ZNF654: variants seen among roughly 807,000 people sequenced by gnomAD.
The protein encoded by ZNF654 is zinc finger protein 654.
ZNF654 carries 19 observed loss-of-function variants against 95.3 expected under a neutral mutation model. The observed-to-expected ratio is 0.20, with a 90% confidence interval of 0.14 to 0.29. The LOEUF (loss-of-function observed/expected upper bound fraction) is 0.29. ZNF654 is among the 10% of genes least tolerant of loss of function. The pLI is 1.00. For missense variants in ZNF654, 1,046 were observed against 1,341.0 expected (o/e 0.78, Z 3.44); for synonymous variants, 413 against 457.9 (o/e 0.90, Z 1.25).
chr3:88,128,015 C>A (rs901227413), intron 4 of ZNF654, among the ~76,000 whole-genome samples: 1 of 152,118 alleles, frequency 6.6e-6, no homozygotes, highest in Non-Finnish European at 1.5e-5. Flanking sequence ...AATTAAAATA[C>A]TTCTGGATTC....
chr3:88,074,593 C>T (rs760948077), intron 1 of ZNF654, among the ~76,000 whole-genome samples: 2 of 152,066 alleles, frequency 1.3e-5, no homozygotes, highest in Non-Finnish European at 2.9e-5. Flanking sequence ...CCGCCTGCCT[C>T]GGCCTTCCAA....
At position 88,113,389 on chromosome 3, in the gene ZNF654, A is replaced by G. The variant is rs139645009; in HGVS notation, c.414+193A>G. 5.3e-3 allele frequency among the ~76,000 whole-genome samples: 813 copies of G among 152,290 alleles called. 5 individuals are homozygous for G. Among genetic ancestry groups the G allele is most frequent in the African/African-American group, 0.017 (698 of 41,582 alleles). On this transcript the variant is annotated intron_variant, in intron 3 of 8. Coordinates refer to ENST00000636215, the MANE Select transcript of ZNF654 (RefSeq NM_001350134.2). ...TTAATTTTTAACTGTATTTCCAAGC[A>G]GTTCATAGCTGGAATTCCTATTCTA... is the stretch of plus-strand genomic sequence containing the variant.
At position 88,139,285 on chromosome 3, in the gene ZNF654, A is replaced by G. The variant is rs1447629804; in HGVS notation, c.1616A>G (p.Asp539Gly). ...NLTALSTSKV[D>G]HNVPRHRCML... Reference sequence around the variant, plus strand: ...ACAGCTCTCAGTACTTCCAAAGTAGATCACAATGTCCCAAGGCATCGTTGT... The same window carrying G: ...ACAGCTCTCAGTACTTCCAAAGTAGGTCACAATGTCCCAAGGCATCGTTGT... The change falls in exon 8 of 9, where the codon GAT (aspartate) becomes GGT (glycine). Residue 539 changes from aspartate (D) to glycine (G), a missense_variant. Transcript: ENST00000636215. 3.8e-6 allele frequency: 6 copies of G among 1,563,406 alleles called. No individual in the cohort carries two copies. Among genetic ancestry groups the G allele is most frequent in the Non-Finnish European group, 3.4e-6 (4 of 1,160,742 alleles).
Position 88,139,118 on chromosome 3 carries a change from A to G in ZNF654, c.1449A>G (p.Ala483=). ...FLNESTLENN[A]GNLKRTEEQQ... ...ATGAAAGCACACTGGAAAATAATGC[A>G]GGTAATCTAAAAAGGACGGAGGAAC... The change falls in exon 8 of 9, where the codon GCA becomes GCG. Residue 483 remains alanine, a synonymous_variant. Transcript: ENST00000636215. The G allele has an allele frequency of 7.8e-7, 1 of 1,274,250 alleles. No individual in the cohort carries two copies. Among genetic ancestry groups the G allele is most frequent in the Non-Finnish European group, 9.9e-7 (1 of 1,009,594 alleles). 78.9% of individuals were successfully genotyped at this position (1,274,250 alleles called of 1,614,324 possible).
intron 2 of ZNF654, among the ~76,000 whole-genome samples, chr3:88,094,752 T>C (rs762927263): frequency 1.3e-5 from 2 of 152,150 alleles, no homozygotes; most frequent in Admixed American, 1.3e-4. Flanking sequence ...AATCTTGTGC[T>C]AAGTCAGATC....
intron 2 of ZNF654, among the ~76,000 whole-genome samples, chr3:88,087,138 G>T (rs1444926461): frequency 6.6e-6 from 1 of 152,018 alleles, no homozygotes; most frequent in East Asian, 1.9e-4. Context: ...GAGTGCAGTG[G>T]TGTGATCTTG....
chr3:88,111,653 A>G (rs1311558314), intron 2 of ZNF654, among the ~76,000 whole-genome samples: 2 of 151,944 alleles, frequency 1.3e-5, no homozygotes, highest in Non-Finnish European at 2.9e-5. Context: ...TGTAATGTAT[A>G]TTGTTGTTTC....
rs928229990 is a variant in ZNF654 at position 88,117,953 on chromosome 3, A to G, written c.414+4757A>G. Among the ~76,000 whole-genome samples the G allele has an allele frequency of 2.0e-5, 3 of 152,096 alleles. No homozygotes were observed. In the South Asian group the frequency reaches 6.2e-4, roughly 32 times the overall value. On this transcript the variant is annotated intron_variant, in intron 3 of 8. Coordinates refer to ENST00000636215, the MANE Select transcript of ZNF654 (RefSeq NM_001350134.2). The stretch of plus-strand genomic sequence containing the variant: ...ATTGCCCAATAGATGATTAAAAAAA[A>G]AAAACAACCAAGAACATTTACTACT...
rs141412364 is a variant in ZNF654, at chr3:88,091,646, C to T, written c.332+5244C>T. Among the ~76,000 whole-genome samples the T allele has an allele frequency of 8.5e-3, 1,296 of 152,270 alleles. 35 individuals are homozygous for T. Among genetic ancestry groups the T allele is most frequent in the Non-Finnish European group, 7.4e-3 (500 of 68,010 alleles). Reference sequence around the variant, plus strand: ...TGAATTGTAGCTTCCATAATCTCCACGTGTCATGGAAGGGACCCAATGGGA... The same window carrying T: ...TGAATTGTAGCTTCCATAATCTCCATGTGTCATGGAAGGGACCCAATGGGA... On this transcript the variant is annotated intron_variant, in intron 2 of 8. Transcript: ENST00000636215.
At chr3:88,065,354 C>T (rs1231841182) in intron 1 of ZNF654, among the ~76,000 whole-genome samples, 2 of 151,852 alleles carry the variant, frequency 1.3e-5, no homozygotes, top group East Asian at 1.9e-4. Context: ...TTCATAATGA[C>T]GTTGTTTGTA....
chr3:88,136,123 G>A (rs1576350306), intron 7 of ZNF654, among the ~76,000 whole-genome samples: 1 of 152,162 alleles, frequency 6.6e-6, no homozygotes, highest in South Asian at 2.1e-4. Flanking sequence ...CTATGTTACA[G>A]AACACGTCTT....
intron 3 of ZNF654, among the ~76,000 whole-genome samples, chr3:88,124,892 G>C (rs1173968262): frequency 6.6e-6 from 1 of 151,328 alleles, no homozygotes; most frequent in African/African-American, 2.4e-5. Flanking sequence ...TTTCTAAATT[G>C]TCAAATTCGA....
chr3:88,109,142 AGTGTGTGTGTGTGTGTGTGTGT>A (rs35595112), intron 2 of ZNF654, among the ~76,000 whole-genome samples: 1 of 142,434 alleles, frequency 7.0e-6, no homozygotes, highest in Non-Finnish European at 1.5e-5. Context: ...AGTGGGCACT[AGTGTGTGTGTGTGTGTGTGTGT>A]GTGTGTGTGT....
rs540022778 is a variant in ZNF654 at position 88,076,818 on chromosome 3, C to T, written c.187-9439C>T. On this transcript the variant is annotated intron_variant, in intron 1 of 8. Transcript: ENST00000636215. ...GCAGGGATCTAAATTCATCTAAAGC[C>T]TTTAAAATGACCTGCTATTCATAAG... is the stretch of plus-strand genomic sequence containing the variant. Among the ~76,000 whole-genome samples, 88 of 152,100 alleles carry T rather than the reference C, an allele frequency of 5.8e-4. 1 individual carries two copies. The highest frequency in any genetic ancestry group is 4.4e-4 in the Non-Finnish European group (30 of 68,018).
chr3:88,081,477 G>T (rs554808888), intron 1 of ZNF654, among the ~76,000 whole-genome samples: 3 of 152,128 alleles, frequency 2.0e-5, no homozygotes, highest in East Asian at 3.9e-4. Context: ...CTGCCTAATG[G>T]TGCTTCTCTG....
At chr3:88,101,259 C>T (rs1704405431) in intron 2 of ZNF654, among the ~76,000 whole-genome samples, 1 of 152,164 alleles carries the variant, frequency 6.6e-6, no homozygotes, top group Admixed American at 6.6e-5. Flanking sequence ...AAAGCTCCCT[C>T]ATGCTCATTT....
chr3:88,097,415 C>T (rs1704128452), intron 2 of ZNF654, among the ~76,000 whole-genome samples: 1 of 151,382 alleles, frequency 6.6e-6, no homozygotes, highest in Non-Finnish European at 1.5e-5. Flanking sequence ...CAATATTAGA[C>T]AGATCAATGA....
intron 1 of ZNF654, 23 bp downstream of exon 1, chr3:88,059,528 C>G (rs1403982375): frequency 1.4e-6 from 2 of 1,458,960 alleles, no homozygotes; most frequent in South Asian, 1.4e-5. Flanking sequence ...TTGGCCGCCC[C>G]GACTTGTCAC....
intron 2 of ZNF654, among the ~76,000 whole-genome samples, chr3:88,103,007 T>C (rs1189544407): frequency 1.3e-5 from 2 of 152,036 alleles, no homozygotes; most frequent in Non-Finnish European, 1.5e-5. Flanking sequence ...GTCTCCAGTG[T>C]CTGTTGTGCC....
Sources: allele counts gnomAD v4.1 joint callset (sites outside exome capture counted in the v4.1 genomes callset), GRCh38; gene constraint gnomAD v4.1.1; transcripts MANE v1.5; gene names NCBI Gene and HGNC (gene_info 2026-07-23, HGNC 2026-07-21).